SLIT2: variants seen among roughly 807,000 people sequenced by gnomAD.
SLIT2 encodes slit homolog 2 protein.
SLIT2 carries 41 observed loss-of-function variants against 185.7 expected under a neutral mutation model. That is an observed-to-expected ratio of 0.22 (90% CI 0.17 to 0.29). The LOEUF is 0.29. Among genes scored for constraint, SLIT2 ranks in the 10% least tolerant of loss-of-function variants. The pLI is 1.00. For missense variants in SLIT2, 1,571 were observed against 1,909.0 expected (o/e 0.82, Z 3.30); for synonymous variants, 693 against 680.2 (o/e 1.02, Z -0.29).
rs1159323681 is a variant in SLIT2 at position 20,528,742 on chromosome 4, T to C, written c.1463-207T>C. Reference sequence around the variant, plus strand: ...TGAAAAGCTCAACTTTATTAATGTTTTCCTGTCATGTGAATCTGGTCACTC... The same window carrying C: ...TGAAAAGCTCAACTTTATTAATGTTCTCCTGTCATGTGAATCTGGTCACTC... On this transcript the variant is annotated intron_variant, in intron 15 of 36. Coordinates refer to ENST00000504154, the MANE Select transcript of SLIT2 (RefSeq NM_004787.4). This position sits in a 1 kb window ranked among gnomAD's most constrained non-coding sequence, Gnocchi z 4.2. Among the ~76,000 whole-genome samples, 2 of 152,212 alleles carry C rather than the reference T, an allele frequency of 1.3e-5. No individual in the cohort carries two copies. Among genetic ancestry groups the C allele is most frequent in the African/African-American group, 2.4e-5 (1 of 41,456 alleles).
chr4:20,414,983 A>G (rs1727538888), intron 4 of SLIT2, among the ~76,000 whole-genome samples: 1 of 152,154 alleles, frequency 6.6e-6, no homozygotes. Context: ...CCTCTCCTCT[A>G]CTTACTGAAT....
intron 4 of SLIT2, among the ~76,000 whole-genome samples, chr4:20,437,720 G>A (rs1349954428): frequency 6.6e-6 from 1 of 151,876 alleles, no homozygotes; most frequent in Non-Finnish European, 1.5e-5. Context: ...AGACTATCCT[G>A]GCTAACATGG....
Position 20,336,146 on chromosome 4 carries a change from A to G in SLIT2, c.395+67265A>G, listed in dbSNP as rs553549360. 5.8e-4 allele frequency among the ~76,000 whole-genome samples: 89 copies of G among 152,266 alleles called. 1 individual carries two copies. In the South Asian group the frequency reaches 0.014, roughly 24 times the overall value. On this transcript the variant is annotated intron_variant, in intron 4 of 36. Coordinates refer to ENST00000504154, the MANE Select transcript of SLIT2 (RefSeq NM_004787.4). The stretch of plus-strand genomic sequence containing the variant: ...TAGCCCAAGCACCTTCATCAAAGTA[A>G]CACAGTCTTTGTGTTGCGTTTCTAG...
At chr4:20,403,902 A>AC (rs1469024460) in intron 4 of SLIT2, among the ~76,000 whole-genome samples, 8 of 151,442 alleles carry the variant, frequency 5.3e-5, no homozygotes, top group Admixed American at 1.3e-4. Context: ...GGACTTAAAA[A>AC]AAAAACAAAA....
At chr4:20,587,925 G>A (rs1286935068) in intron 29 of SLIT2, among the ~76,000 whole-genome samples, 2 of 152,246 alleles carry the variant, frequency 1.3e-5, no homozygotes, top group South Asian at 4.1e-4. Flanking sequence ...CATTTATTAT[G>A]TATCTCAAAT....
intron 4 of SLIT2, among the ~76,000 whole-genome samples, chr4:20,444,926 C>T (rs1285156644): frequency 6.6e-6 from 1 of 152,172 alleles, no homozygotes; most frequent in Non-Finnish European, 1.5e-5. Flanking sequence ...GACTTAATTG[C>T]ATTCTGTCTA....
intron 4 of SLIT2, among the ~76,000 whole-genome samples, chr4:20,395,684 A>G (rs1725834800): frequency 6.6e-6 from 1 of 152,018 alleles, no homozygotes; most frequent in Non-Finnish European, 1.5e-5. Flanking sequence ...GCTACATGCT[A>G]GCTCTTAACA....
intron 4 of SLIT2, among the ~76,000 whole-genome samples, chr4:20,420,942 G>T (rs1349566427): frequency 1.3e-5 from 2 of 152,058 alleles, no homozygotes; most frequent in Non-Finnish European, 2.9e-5. Flanking sequence ...CCCTAATCTT[G>T]GACTTCTTAG....
chr4:20,574,416 A>G (rs1474915535), intron 29 of SLIT2, among the ~76,000 whole-genome samples: 3 of 152,196 alleles, frequency 2.0e-5, no homozygotes, highest in African/African-American at 7.2e-5. Context: ...ACAGTGTCCT[A>G]AAAGGAACAC....
At chr4:20,256,818 A>G in intron 2 of SLIT2, 75 bp downstream of exon 2, 1 of 689,094 alleles carries the variant, frequency 1.5e-6, no homozygotes, top group Non-Finnish European at 2.5e-6. Context: ...CTCAGTTTTT[A>G]TGACTATTCT....
At position 20,252,498 on chromosome 4, in the gene SLIT2, C is replaced by T. The variant is rs1722119282; in HGVS notation, c.-1318C>T. ...CGTCGCCACGCCGGCAGGGGTACCGCCACTGTGGCCTTGGGGGACGGAATT... is the reference window on the plus strand; with the variant it reads ...CGTCGCCACGCCGGCAGGGGTACCGTCACTGTGGCCTTGGGGGACGGAATT... On this transcript the variant is annotated 5_prime_UTR_variant, in exon 1 of 37. Coordinates refer to ENST00000504154, the MANE Select transcript of SLIT2 (RefSeq NM_004787.4). 6.6e-6 allele frequency among the ~76,000 whole-genome samples: 1 copy of T among 152,142 alleles called. No homozygotes were observed. Among genetic ancestry groups the T allele is most frequent in the African/African-American group, 2.4e-5 (1 of 41,446 alleles).
rs531369105 is a variant in SLIT2 at position 20,254,784 on chromosome 4, C to G, written c.179+790C>G. 7.8e-5 allele frequency: 31 copies of G among 396,192 alleles called. No individual in the cohort carries two copies. Among genetic ancestry groups the G allele is most frequent in the Middle Eastern group, 1.5e-3 (2 of 1,300 alleles). The allele number at this position is 396,192 out of a possible 1,614,324, so 24.5% of individuals were successfully genotyped here. On this transcript the variant is annotated intron_variant, in intron 1 of 36. Coordinates refer to ENST00000504154, the MANE Select transcript of SLIT2 (RefSeq NM_004787.4). This position sits in a 1 kb window ranked among gnomAD's most constrained non-coding sequence, Gnocchi z 5.1. ...GCGACCCGGCGGTGCCCGGCTGCCC[C>G]CTCCGGCCCTTCCTGCTGAACCCCT...
chr4:20,338,976 C>T (rs1720738241), intron 4 of SLIT2, among the ~76,000 whole-genome samples: 1 of 150,658 alleles, frequency 6.6e-6, no homozygotes, highest in Non-Finnish European at 1.5e-5. Flanking sequence ...GCCTGTAGTC[C>T]TAGCTGCTTG....
At chr4:20,341,863 T>C (rs1720988040) in intron 4 of SLIT2, among the ~76,000 whole-genome samples, 1 of 152,212 alleles carries the variant, frequency 6.6e-6, no homozygotes, top group South Asian at 2.1e-4. Flanking sequence ...TTCATGAATT[T>C]GCTGAATTTA....
At chr4:20,414,877 G>C (rs892717181) in intron 4 of SLIT2, among the ~76,000 whole-genome samples, 2 of 152,060 alleles carry the variant, frequency 1.3e-5, no homozygotes, top group African/African-American at 4.8e-5. Flanking sequence ...CTTACTTGGA[G>C]TTTGTTGAGC....
At chr4:20,427,009 A>G (rs1229372020) in intron 4 of SLIT2, among the ~76,000 whole-genome samples, 1 of 151,444 alleles carries the variant, frequency 6.6e-6, no homozygotes, top group Non-Finnish European at 1.5e-5. Flanking sequence ...AGCTTTAACC[A>G]AACACTATGT....
chr4:20,339,090 C>CAAAAAAAAAA (rs398051113), intron 4 of SLIT2, among the ~76,000 whole-genome samples: 3 of 70,742 alleles, frequency 4.2e-5, no homozygotes, highest in African/African-American at 1.3e-4. Context: ...GAGACACTCT[C>CAAAAAAAAAA]AAAAAAAAAA....
In SLIT2 at chr4:20,589,647, A is replaced by G; in HGVS notation, c.3092A>G (p.Glu1031Gly). ...TCLCPPEYTG[E>G]LCEEKLDFCA... ...AACACTGTTTGCCCTGTTGCAGGTG[A>G]GTTGTGTGAGGAGAAGCTGGACTTC... is the stretch of plus-strand genomic sequence containing the variant. Residue 1031 changes from glutamate (E) to glycine (G), a missense_variant, in exon 30 of 37, where the codon GAG becomes GGG. Glu to Gly is a moderately conservative substitution (Grantham distance 98, BLOSUM62 -2). Around this residue, in one of 3 missense-constraint regions of SLIT2, gnomAD observed 1,202 missense variants for 1,416.4 expected, o/e 0.85. Transcript: ENST00000504154. The G allele has an allele frequency of 1.2e-6, 2 of 1,613,278 alleles. No individual in the cohort carries two copies. Among genetic ancestry groups the G allele is most frequent in the Non-Finnish European group, 1.7e-6 (2 of 1,179,428 alleles).
chr4:20,620,476 ATAATT>A lies in SLIT2; in HGVS notation c.*1468_*1472del. The A allele has an allele frequency of 2.2e-6, 1 of 447,582 alleles. No homozygotes were observed. The highest frequency in any genetic ancestry group is 4.5e-6 in the Non-Finnish European group (1 of 224,552). 27.7% of individuals were successfully genotyped at this position (447,582 alleles called of 1,614,324 possible). Reference sequence around the variant, plus strand: ...TACAAAGAAAATTAGATGTACATGTATAATTCAGTGTGCTTTGTCTTTCTCCAGAT... The same window carrying A: ...TACAAAGAAAATTAGATGTACATGTACAGTGTGCTTTGTCTTTCTCCAGAT... On this transcript the variant is annotated 3_prime_UTR_variant, in exon 37 of 37. Transcript: ENST00000504154.
Sources: gnomAD v4.1 joint callset for allele counts (sites outside exome capture counted in the v4.1 genomes callset) on GRCh38, gnomAD v4.1.1 for gene constraint, gnomAD v4.1.1 regional missense constraint, Gnocchi (gnomAD v3.1) non-coding constraint, MANE v1.5 for transcripts, NCBI Gene and HGNC (gene_info 2026-07-23, HGNC 2026-07-21) for gene names.